Variants in DAZL observed in about 807,000 individuals in gnomAD.
DAZL encodes deleted in azoospermia-like.
Under a neutral mutation model 45.0 loss-of-function variants are expected in DAZL, and 4 were observed. That is an observed-to-expected ratio of 0.09 (90% CI 0.04 to 0.20). The LOEUF (loss-of-function observed/expected upper bound fraction) is 0.20. Ranked by LOEUF, DAZL falls within the 10% of genes least tolerant of loss-of-function variation. The pLI is 1.00. For synonymous variants in DAZL, 122 were observed against 112.4 expected, an observed-to-expected ratio of 1.09 and a Z score of -0.54; for missense variants, 326 against 351.3, an observed-to-expected ratio of 0.93 and a Z score of 0.58.
intron 10 of DAZL, among the ~76,000 whole-genome samples, chr3:16,588,922 AAAAG>A (rs1250598758): frequency 1.3e-5 from 2 of 150,186 alleles, no homozygotes; most frequent in African/African-American, 5.0e-5. Flanking sequence ...GTTTAGTTAA[AAAAG>A]AAATCAATTA....
chr3:16,602,488 A>T (rs369398296), intron 1 of DAZL, among the ~76,000 whole-genome samples: 2 of 152,154 alleles, frequency 1.3e-5, no homozygotes, highest in African/African-American at 2.4e-5. Flanking sequence ...AGAGGAGATT[A>T]AAAAATTCAA....
At chr3:16,598,354 C>A in intron 2 of DAZL, 98 bp downstream of exon 2, 4 of 1,520,530 alleles carry the variant, frequency 2.6e-6, no homozygotes, top group Middle Eastern at 1.7e-4. Context: ...CAATTCTAAA[C>A]CTCCATGAAG....
rs2125042142 is a variant in DAZL, at chr3:16,587,216, G to T, written c.*1444C>A. ...TCAGATTCAGAATGAAAATTTTAAGGAATTATAGACCCTAGGGGGCACTAG... is the reference window on the plus strand; with the variant it reads ...TCAGATTCAGAATGAAAATTTTAAGTAATTATAGACCCTAGGGGGCACTAG... On this transcript the variant is annotated 3_prime_UTR_variant, in exon 11 of 11. Coordinates refer to ENST00000399444, the MANE Select transcript of DAZL (RefSeq NM_001351.4). The T allele has an allele frequency of 6.6e-6, 1 of 152,122 alleles. No individual in the cohort carries two copies. Among genetic ancestry groups the T allele is most frequent in the Admixed American group, 6.6e-5 (1 of 15,264 alleles). 9.4% of individuals were successfully genotyped at this position (152,122 alleles called of 1,614,324 possible). A position where few individuals can be genotyped will look rare whatever the true frequency, so the allele number is the denominator to read the frequency against.
At chr3:16,593,824 C>A (rs905222695) in intron 8 of DAZL, 56 bp from the exon 9 acceptor site, 8 of 1,131,848 alleles carry the variant, frequency 7.1e-6, no homozygotes, top group Middle Eastern at 2.0e-4. Flanking sequence ...TATTTAAAAG[C>A]CACTTATTCT....
chr3:16,595,021 T>G (rs978066349), intron 7 of DAZL, among the ~76,000 whole-genome samples: 1 of 150,404 alleles, frequency 6.6e-6, no homozygotes, highest in Admixed American at 6.7e-5. Context: ...TCCGTCTGGC[T>G]GTTTCGGCTA....
intron 1 of DAZL, among the ~76,000 whole-genome samples, chr3:16,604,004 A>T (rs1040950306): frequency 6.6e-6 from 1 of 152,246 alleles, no homozygotes; most frequent in Non-Finnish European, 1.5e-5. Context: ...AACAATTCGG[A>T]TTTAACTCTA....
At position 16,591,587 on chromosome 3, in the gene DAZL, T is replaced by C. The variant is rs565990280; in HGVS notation, c.834+463A>G. 5.3e-5 allele frequency among the ~76,000 whole-genome samples: 8 copies of C among 151,962 alleles called. No individual in the cohort carries two copies. The South Asian group carries it at 1.3e-3, about 24-fold the overall frequency. On this transcript the variant is annotated intron_variant, in intron 10 of 10. Coordinates refer to ENST00000399444, the MANE Select transcript of DAZL (RefSeq NM_001351.4). ...TAGCTGGGACTACAGGCGTGCACCA[T>C]CACAACTGGCTAAGTTTTGTATTTT...
chr3:16,602,161 G>A (rs530891958), intron 1 of DAZL, among the ~76,000 whole-genome samples: 9 of 152,142 alleles, frequency 5.9e-5, no homozygotes, highest in South Asian at 2.1e-4. Flanking sequence ...AAACAATCCT[G>A]GCAAAACTAA....
In DAZL at chr3:16,588,459, T is replaced by C; in HGVS notation, c.*201A>G. 1 of 434,394 alleles carries C rather than the reference T, an allele frequency of 2.3e-6. No individual in the cohort carries two copies. The highest frequency in any genetic ancestry group is 4.3e-6 in the Non-Finnish European group (1 of 233,200). The allele number at this position is 434,394 out of a possible 1,614,324, so 26.9% of individuals were successfully genotyped here. ...TCTCAATTATTTTTTTACTTTCAACTATATTTCAACACAGAACCAGTTTCT... is the reference window on the plus strand; with the variant it reads ...TCTCAATTATTTTTTTACTTTCAACCATATTTCAACACAGAACCAGTTTCT... On this transcript the variant is annotated 3_prime_UTR_variant, in exon 11 of 11. Coordinates refer to ENST00000399444, the MANE Select transcript of DAZL (RefSeq NM_001351.4).
intron 10 of DAZL, among the ~76,000 whole-genome samples, chr3:16,591,408 C>T (rs1559401163): frequency 6.6e-6 from 1 of 151,268 alleles, no homozygotes; most frequent in Non-Finnish European, 1.5e-5. Context: ...CATTTCTTTT[C>T]TTCTCTATAG....
chr3:16,588,771 G>T, intron 10 of DAZL, 58 bp from the exon 11 acceptor site: 2 of 1,355,096 alleles, frequency 1.5e-6, no homozygotes, highest in African/African-American at 2.9e-5. Flanking sequence ...TACTACTATA[G>T]ATCTGAAAGT....
intron 10 of DAZL, among the ~76,000 whole-genome samples, chr3:16,591,580 T>C (rs1694519147): frequency 6.6e-6 from 1 of 151,918 alleles, no homozygotes; most frequent in African/African-American, 2.4e-5. Context: ...ACTACAGGCG[T>C]GCACCATCAC....
At position 16,591,133 on chromosome 3, in the gene DAZL, G is replaced by C. The variant is rs555415265; in HGVS notation, c.834+917C>G. 5.2e-4 allele frequency among the ~76,000 whole-genome samples: 79 copies of C among 152,084 alleles called. 2 individuals are homozygous for C. Among genetic ancestry groups the C allele is most frequent in the Admixed American group, 4.4e-3 (68 of 15,282 alleles). On this transcript the variant is annotated intron_variant, in intron 10 of 10. Coordinates refer to ENST00000399444, the MANE Select transcript of DAZL (RefSeq NM_001351.4). The stretch of plus-strand genomic sequence containing the variant: ...GTTCTTTTTCCTATTCATAGACTTA[G>C]AACTACAGGGACCCAGAAACCTTTA...
At chr3:16,601,810 A>G (rs999452213) in intron 1 of DAZL, among the ~76,000 whole-genome samples, 2 of 152,236 alleles carry the variant, frequency 1.3e-5, no homozygotes, top group Non-Finnish European at 2.9e-5. Flanking sequence ...TGTTATTTAT[A>G]GCAAACATAT....
chr3:16,596,646 A>C, intron 6 of DAZL, 104 bp downstream of exon 6: 1 of 1,273,794 alleles, frequency 7.9e-7, no homozygotes, highest in South Asian at 1.2e-5. Context: ...CAAAGTATTC[A>C]AACAGGGATG....
chr3:16,605,235 C>A lies in DAZL; in HGVS notation c.-30G>T. On this transcript the variant is annotated 5_prime_UTR_variant, in exon 1 of 11. Coordinates refer to ENST00000399444, the MANE Select transcript of DAZL (RefSeq NM_001351.4). Reference sequence around the variant, plus strand: ...GCGGCAGGCAGCAGTTCCCGACCGGCTCCAGGAGGAGCAGAGGCTGTGCTT... The same window carrying A: ...GCGGCAGGCAGCAGTTCCCGACCGGATCCAGGAGGAGCAGAGGCTGTGCTT... The A allele has an allele frequency of 6.2e-7, 1 of 1,614,156 alleles. No homozygotes were observed. The highest frequency in any genetic ancestry group is 8.5e-7 in the Non-Finnish European group (1 of 1,179,970).
At chr3:16,604,539 C>T in intron 1 of DAZL, 1 of 1,465,506 alleles carries the variant, frequency 6.8e-7, no homozygotes, top group East Asian at 2.5e-5. Flanking sequence ...GCGAGGGGAC[C>T]AGAGGCACTT....
chr3:16,588,920 A>G (rs1484446515), intron 10 of DAZL, among the ~76,000 whole-genome samples: 3 of 152,028 alleles, frequency 2.0e-5, no homozygotes, highest in Non-Finnish European at 4.4e-5. Context: ...CAGTTTAGTT[A>G]AAAAAGAAAT....
chr3:16,600,048 T>C (rs1454614462), intron 1 of DAZL, among the ~76,000 whole-genome samples: 1 of 152,214 alleles, frequency 6.6e-6, no homozygotes, highest in African/African-American at 2.4e-5. Context: ...CTGACTTATC[T>C]TGAAGATACT....
Sources: allele counts gnomAD v4.1 joint callset (sites outside exome capture counted in the v4.1 genomes callset), GRCh38; gene constraint gnomAD v4.1.1; transcripts MANE v1.5; gene names NCBI Gene and HGNC (gene_info 2026-07-23, HGNC 2026-07-21).